Variants in CNKSR3 observed in about 807,000 individuals in gnomAD.
CNKSR3 encodes the protein connector enhancer of kinase suppressor of ras 3.
CNKSR3 carries 36 observed loss-of-function variants against 67.7 expected under a neutral mutation model. That is an observed-to-expected ratio of 0.53 (90% confidence interval 0.41 to 0.70). The LOEUF (loss-of-function observed/expected upper bound fraction) is 0.70, where lower values mean the gene tolerates loss of function less well. CNKSR3 is among the 30% of genes least tolerant of loss of function. The probability of loss-of-function intolerance (pLI) is 0.00; values close to 1 mark genes in which losing one functional copy is unlikely to be tolerated. For missense variants in CNKSR3, 630 were observed against 695.2 expected, an observed-to-expected ratio of 0.91 and a Z score of 1.05; for synonymous variants, 281 against 271.4, an observed-to-expected ratio of 1.04 and a Z score of -0.35.
Position 154,406,245 on chromosome 6 carries a change from T to G in CNKSR3, c.*109A>C. The G allele has an allele frequency of 9.8e-7, 1 of 1,017,654 alleles. No homozygotes were observed. Among genetic ancestry groups the G allele is most frequent in the South Asian group, 1.7e-5 (1 of 57,882 alleles). The allele number at this position is 1,017,654 out of a possible 1,614,324, so 63.0% of individuals were successfully genotyped here. The stretch of plus-strand genomic sequence containing the variant: ...ATAACTTTTCAAAAGAAAAAGAAAT[T>G]GCATAAGGTCCCTACATAATACTGA... On this transcript the variant is annotated 3_prime_UTR_variant, in exon 13 of 13. Transcript: ENST00000607772.
At chr6:154,442,634 A>C (rs761244578) in intron 2 of CNKSR3, among the ~76,000 whole-genome samples, 4 of 152,016 alleles carry the variant, frequency 2.6e-5, no homozygotes, top group Non-Finnish European at 5.9e-5. Context: ...AATAAAAACA[A>C]AACAATAAAC....
intron 4 of CNKSR3, among the ~76,000 whole-genome samples, chr6:154,439,327 A>G (rs1785534993): frequency 6.6e-6 from 1 of 152,320 alleles, no homozygotes; most frequent in Admixed American, 6.5e-5. Context: ...CTAAATAAAA[A>G]TGTATTGAAA....
intron 1 of CNKSR3, among the ~76,000 whole-genome samples, chr6:154,491,860 AC>A (rs755784152): frequency 6.6e-6 from 1 of 152,224 alleles, no homozygotes; most frequent in Non-Finnish European, 1.5e-5. Flanking sequence ...ATATCTAGTT[AC>A]CAAACAGCTG....
intron 1 of CNKSR3, among the ~76,000 whole-genome samples, chr6:154,490,983 G>T (rs1786774024): frequency 6.6e-6 from 1 of 152,050 alleles, no homozygotes; most frequent in Non-Finnish European, 1.5e-5. Context: ...GAGTAGCTGG[G>T]ATTACAAGCG....
At chr6:154,431,593 C>T (rs1421066563) in intron 5 of CNKSR3, among the ~76,000 whole-genome samples, 1 of 152,106 alleles carries the variant, frequency 6.6e-6, no homozygotes, top group Admixed American at 6.5e-5. Flanking sequence ...ACGTATCCTT[C>T]ATTACAGTAT....
intron 2 of CNKSR3, among the ~76,000 whole-genome samples, chr6:154,447,865 T>A (rs1175241733): frequency 6.6e-6 from 1 of 152,132 alleles, no homozygotes; most frequent in Non-Finnish European, 1.5e-5. Context: ...AATTTATATA[T>A]CCAAAGATCT....
At chr6:154,471,399 A>G (rs1487434277) in intron 1 of CNKSR3, among the ~76,000 whole-genome samples, 3 of 152,124 alleles carry the variant, frequency 2.0e-5, no homozygotes, top group Non-Finnish European at 4.4e-5. Context: ...GTAGCCAGGC[A>G]TGGTGGCACA....
At chr6:154,493,613 A>C (rs1259269209) in intron 1 of CNKSR3, among the ~76,000 whole-genome samples, 5 of 152,194 alleles carry the variant, frequency 3.3e-5, no homozygotes, top group Non-Finnish European at 5.9e-5. Flanking sequence ...GTTATAAAAA[A>C]CTACCTGAGA....
intron 4 of CNKSR3, among the ~76,000 whole-genome samples, chr6:154,440,554 G>A (rs998380307): frequency 4.1e-4 from 63 of 152,152 alleles, no homozygotes; most frequent in Admixed American, 1.2e-3. Context: ...TTACAGACTG[G>A]CTAATATAAA....
intron 1 of CNKSR3, among the ~76,000 whole-genome samples, chr6:154,461,682 C>G (rs1362945281): frequency 6.6e-6 from 1 of 152,188 alleles, no homozygotes; most frequent in Non-Finnish European, 1.5e-5. Flanking sequence ...AGTTAATATT[C>G]TTAAAGCACT....
chr6:154,504,623 T>C (rs1390312422), intron 1 of CNKSR3, among the ~76,000 whole-genome samples: 3 of 152,152 alleles, frequency 2.0e-5, no homozygotes, highest in Non-Finnish European at 2.9e-5. Context: ...AACTACTAAT[T>C]AGGGGACCCT....
intron 1 of CNKSR3, among the ~76,000 whole-genome samples, chr6:154,504,641 TTC>T (rs1366670557): frequency 2.0e-5 from 3 of 151,974 alleles, no homozygotes; most frequent in South Asian, 2.1e-4. Flanking sequence ...CCTGAGCAAA[TTC>T]TCTCTCTGCT....
rs113983211 is a variant in CNKSR3 at position 154,469,887 on chromosome 6, C to T, written c.53-19629G>A. 4.8e-3 allele frequency among the ~76,000 whole-genome samples: 735 copies of T among 152,242 alleles called. 4 individuals are homozygous for T. The highest frequency in any genetic ancestry group is 0.017 in the African/African-American group (703 of 41,546). Reference sequence around the variant, plus strand: ...AGATAACATAAAGTCTATTAACACACAGATTTATATCTACATATATTTTAT... The same window carrying T: ...AGATAACATAAAGTCTATTAACACATAGATTTATATCTACATATATTTTAT... On this transcript the variant is annotated intron_variant, in intron 1 of 12. Coordinates refer to ENST00000607772, the MANE Select transcript of CNKSR3 (RefSeq NM_173515.4).
At chr6:154,470,655 A>C (rs1168574555) in intron 1 of CNKSR3, among the ~76,000 whole-genome samples, 1 of 152,232 alleles carries the variant, frequency 6.6e-6, no homozygotes, top group Non-Finnish European at 1.5e-5. Flanking sequence ...TCCATTGTAT[A>C]GATATACCAC....
intron 4 of CNKSR3, among the ~76,000 whole-genome samples, chr6:154,435,031 C>G (rs1414664504): frequency 6.8e-6 from 1 of 148,068 alleles, no homozygotes; most frequent in Admixed American, 6.8e-5. Flanking sequence ...GTCTCACTCT[C>G]TCGCCCAAGT....
intron 1 of CNKSR3, among the ~76,000 whole-genome samples, chr6:154,502,934 G>A (rs11155980): frequency 0.1 from 15,227 of 152,114 alleles, 944 homozygotes; most frequent in East Asian, 0.17. Flanking sequence ...GGACACAGAC[G>A]GGAGGGCCCC....
intron 1 of CNKSR3, among the ~76,000 whole-genome samples, chr6:154,482,308 G>A (rs1328283012): frequency 6.6e-6 from 1 of 152,136 alleles, no homozygotes; most frequent in Non-Finnish European, 1.5e-5. Flanking sequence ...CAGGGCAGGA[G>A]ATCAGTTCTC....
chr6:154,496,074 G>A (rs1015493425), intron 1 of CNKSR3, among the ~76,000 whole-genome samples: 7 of 152,092 alleles, frequency 4.6e-5, no homozygotes, highest in East Asian at 3.8e-4. Context: ...TTAGACATGC[G>A]GCCGTCACTA....
At chr6:154,427,820 A>C (rs1467869070) in intron 7 of CNKSR3, among the ~76,000 whole-genome samples, 1 of 152,240 alleles carries the variant, frequency 6.6e-6, no homozygotes, top group Non-Finnish European at 1.5e-5. Flanking sequence ...GACTCTCAAA[A>C]ACAAAAAGAT....
Sources: gnomAD v4.1 joint callset for allele counts (sites outside exome capture counted in the v4.1 genomes callset) on GRCh38, gnomAD v4.1.1 for gene constraint, MANE v1.5 for transcripts, NCBI Gene and HGNC (gene_info 2026-07-23, HGNC 2026-07-21) for gene names.